GRAMD1C: variants seen among roughly 807,000 people sequenced by gnomAD.
The protein encoded by GRAMD1C is protein Aster-C.
In GRAMD1C, 89 loss-of-function variants were observed where a neutral mutation model predicts 97.8. The ratio of observed to expected loss-of-function variants is 0.91; its 90% CI spans 0.77 to 1.09. The LOEUF is 1.09. GRAMD1C is among the 50% of genes least tolerant of loss of function. The pLI is 0.00. For synonymous variants in GRAMD1C, 256 were observed against 267.0 expected, an observed-to-expected ratio of 0.96 and a Z score of 0.40; for missense variants, 740 against 766.4, an observed-to-expected ratio of 0.97 and a Z score of 0.41.
intron 3 of GRAMD1C, among the ~76,000 whole-genome samples, chr3:113,874,990 A>ACAT (rs1934970455): frequency 6.6e-6 from 1 of 152,236 alleles, no homozygotes; most frequent in African/African-American, 2.4e-5. Context: ...GTGAGACTTT[A>ACAT]CATGATGTAG....
intron 6 of GRAMD1C, 37 bp downstream of exon 6, chr3:113,882,869 G>A: frequency 1.0e-6 from 1 of 962,912 alleles, no homozygotes. Flanking sequence ...CTTATTATAA[G>A]AACCTCCTAG....
chr3:113,858,072 T>A (rs1445130366), intron 2 of GRAMD1C, among the ~76,000 whole-genome samples: 1 of 152,194 alleles, frequency 6.6e-6, no homozygotes, highest in African/African-American at 2.4e-5. Flanking sequence ...AGAATTAATT[T>A]TTTTAATGTT....
chr3:113,924,416 A>G (rs556298690), intron 10 of GRAMD1C, among the ~76,000 whole-genome samples: 1 of 152,090 alleles, frequency 6.6e-6, no homozygotes, highest in Non-Finnish European at 1.5e-5. Context: ...GTTTAGCACT[A>G]TAAACTTGTA....
At chr3:113,898,544 G>A (rs916015410) in intron 6 of GRAMD1C, among the ~76,000 whole-genome samples, 13 of 152,110 alleles carry the variant, frequency 8.5e-5, no homozygotes, top group African/African-American at 2.9e-4. Context: ...ATCAAGGACA[G>A]TGGTTTCTTA....
At chr3:113,885,509 C>T in intron 6 of GRAMD1C, 1 of 1,606,404 alleles carries the variant, frequency 6.2e-7, no homozygotes, top group Non-Finnish European at 8.5e-7. Context: ...CTGGATGAGA[C>T]ACTTATTCAC....
At position 113,838,949 on chromosome 3, in the gene GRAMD1C, C is replaced by A. The variant is rs1401059080; in HGVS notation, c.27+13C>A. The A allele has an allele frequency of 8.1e-7, 1 of 1,239,694 alleles. No homozygotes were observed. The highest frequency in any genetic ancestry group is 4.0e-5 in the South Asian group (1 of 24,866). The allele number at this position is 1,239,694 out of a possible 1,614,324, so 76.8% of individuals were successfully genotyped here. A position where few individuals can be genotyped will look rare whatever the true frequency, so the allele number is the denominator to read the frequency against. On this transcript the variant is annotated intron_variant, in intron 1 of 17. Transcript: ENST00000358160. Reference sequence around the variant, plus strand: ...GACTGTCCGTCAGGTAAGCCGCGGGCCTCGCTGGGGCAGGTTCCCATCTGT... The same window carrying A: ...GACTGTCCGTCAGGTAAGCCGCGGGACTCGCTGGGGCAGGTTCCCATCTGT...
rs188711284 is a variant in GRAMD1C, at chr3:113,865,824, T to A, written c.175-3683T>A. 9.2e-5 allele frequency among the ~76,000 whole-genome samples: 14 copies of A among 152,284 alleles called. No homozygotes were observed. The East Asian group carries it at 2.7e-3, about 29-fold the overall frequency. ...TGTGTTCTTCCAGGGAGGATTTTCA[T>A]ATACAGCTGTCAAGCAATCTGGAAT... On this transcript the variant is annotated intron_variant, in intron 2 of 17. Coordinates refer to ENST00000358160, the MANE Select transcript of GRAMD1C (RefSeq NM_017577.5).
At chr3:113,872,563 T>G (rs1015469376) in intron 3 of GRAMD1C, among the ~76,000 whole-genome samples, 14 of 151,158 alleles carry the variant, frequency 9.3e-5, no homozygotes, top group African/African-American at 3.2e-4. Context: ...TCCGGTTAAT[T>G]TTTGTATTTT....
rs143941002 is a variant in GRAMD1C, at chr3:113,876,148, A to T, written c.364-17A>T. On this transcript the variant is annotated splice_polypyrimidine_tract_variant and intron_variant, in intron 4 of 17. Coordinates refer to ENST00000358160, the MANE Select transcript of GRAMD1C (RefSeq NM_017577.5). ...TGTTTCTGAAAAATACATTAAAAAA[A>T]TTTTTTGTGTGTTTAGATTTCTATT... 4.1e-4 allele frequency: 530 copies of T among 1,284,988 alleles called. 1 individual carries two copies. In the African/African-American group the frequency reaches 4.6e-3, roughly 11 times the overall value. 79.6% of individuals were successfully genotyped at this position (1,284,988 alleles called of 1,614,324 possible).
In GRAMD1C at chr3:113,879,463, G is replaced by C. The variant is rs140578990; in HGVS notation, c.459+3203G>C. On this transcript the variant is annotated intron_variant, in intron 5 of 17. Coordinates refer to ENST00000358160, the MANE Select transcript of GRAMD1C (RefSeq NM_017577.5). Reference sequence around the variant, plus strand: ...GCTCTGGTTCTGACATGTCATTGTAGGGCATGCTCATTTGTGGCCACTCTT... The same window carrying C: ...GCTCTGGTTCTGACATGTCATTGTACGGCATGCTCATTTGTGGCCACTCTT... Among the ~76,000 whole-genome samples the C allele has an allele frequency of 4.3e-3, 650 of 152,096 alleles. 6 individuals are homozygous for C. The highest frequency in any genetic ancestry group is 0.015 in the African/African-American group (617 of 41,494).
chr3:113,915,685 G>T lies in GRAMD1C; in HGVS notation c.953-16G>T, dbSNP rs1417879592. The T allele has an allele frequency of 1.9e-6, 3 of 1,600,108 alleles. No homozygotes were observed. In the Admixed American group the frequency reaches 5.1e-5, roughly 27 times the overall value. ...TTTGATTTCTTCTCTTTTGGTTTGT[G>T]TTTCTGTTTTTCCAGAAAATGTTCC... On this transcript the variant is annotated splice_polypyrimidine_tract_variant and intron_variant, in intron 9 of 17. Coordinates refer to ENST00000358160, the MANE Select transcript of GRAMD1C (RefSeq NM_017577.5).
chr3:113,850,265 C>T, intron 2 of GRAMD1C: 2 of 659,106 alleles, frequency 3.0e-6, no homozygotes, highest in East Asian at 3.3e-5. Flanking sequence ...ACGTCCACGA[C>T]CAAATCTGCC....
chr3:113,918,121 C>T (rs1026328649), intron 10 of GRAMD1C, among the ~76,000 whole-genome samples: 1 of 152,032 alleles, frequency 6.6e-6, no homozygotes, highest in Non-Finnish European at 1.5e-5. Flanking sequence ...TAGCTATTCT[C>T]CTGTGATTAT....
At chr3:113,867,359 C>G (rs1934622869) in intron 2 of GRAMD1C, among the ~76,000 whole-genome samples, 1 of 152,084 alleles carries the variant, frequency 6.6e-6, no homozygotes, top group South Asian at 2.1e-4. Flanking sequence ...GTGGTGCGAT[C>G]TGGGCTCCCT....
chr3:113,915,821 G>C lies in GRAMD1C; in HGVS notation c.1073G>C (p.Ser358Thr). 6.2e-7 allele frequency: 1 copy of C among 1,610,546 alleles called. No homozygotes were observed. Among genetic ancestry groups the C allele is most frequent in the Non-Finnish European group, 8.5e-7 (1 of 1,177,190 alleles). ...TSSRFMQKFA[S>T]SRNIIDVVST... is the part of the protein sequence containing the mutation. ...TCACGCTTTATGCAGAAATTTGCCA[G>C]TTCTAGAAATATAATAGGTTAGTCC... is the stretch of plus-strand genomic sequence containing the variant. The change falls in exon 10 of 18, where the codon AGT (serine) becomes ACT (threonine). Residue 358 changes from serine (S) to threonine (T), a missense_variant. Coordinates refer to ENST00000358160, the MANE Select transcript of GRAMD1C (RefSeq NM_017577.5).
intron 9 of GRAMD1C, among the ~76,000 whole-genome samples, chr3:113,910,237 G>T (rs1936516992): frequency 6.6e-6 from 1 of 152,126 alleles, no homozygotes; most frequent in African/African-American, 2.4e-5. Flanking sequence ...CAAAAAATTA[G>T]CCGGGTGTGG....
chr3:113,884,140 T>C (rs932388375), intron 6 of GRAMD1C, among the ~76,000 whole-genome samples: 2 of 152,178 alleles, frequency 1.3e-5, no homozygotes, highest in Admixed American at 6.5e-5. Context: ...CACCAAACAG[T>C]AGCAGAATAT....
chr3:113,895,036 G>A (rs1255127750), intron 6 of GRAMD1C, among the ~76,000 whole-genome samples: 4 of 152,214 alleles, frequency 2.6e-5, no homozygotes, highest in Admixed American at 1.3e-4. Context: ...GACTTGGTCA[G>A]ACGTAGGCCA....
At chr3:113,895,862 T>C (rs1478355869) in intron 6 of GRAMD1C, among the ~76,000 whole-genome samples, 1 of 152,204 alleles carries the variant, frequency 6.6e-6, no homozygotes, top group Admixed American at 6.5e-5. Flanking sequence ...CATCATCATT[T>C]CTAGCTTGAA....
Sources: allele counts gnomAD v4.1 joint callset (sites outside exome capture counted in the v4.1 genomes callset), GRCh38; gene constraint gnomAD v4.1.1; transcripts MANE v1.5; gene names NCBI Gene and HGNC (gene_info 2026-07-23, HGNC 2026-07-21).